The following KIF2A variants were observed in gnomAD, a reference collection of about 807,000 sequenced individuals.
The protein encoded by KIF2A is kinesin family member 2A.
A neutral mutation model predicts 100.2 loss-of-function variants in KIF2A; 22 were observed. That is an observed-to-expected ratio of 0.22 (90% CI 0.16 to 0.31). KIF2A has a LOEUF of 0.31. Ranked by LOEUF, KIF2A falls within the 10% of genes least tolerant of loss-of-function variation. The pLI is 1.00. For synonymous variants in KIF2A, 268 were observed against 285.9 expected, an observed-to-expected ratio of 0.94 and a Z score of 0.63; for missense variants, 495 against 898.7, an observed-to-expected ratio of 0.55 and a Z score of 5.74.
intron 1 of KIF2A, among the ~76,000 whole-genome samples, chr5:62,325,462 GA>G (rs34505547): frequency 6.7e-6 from 1 of 149,630 alleles, no homozygotes; most frequent in African/African-American, 2.5e-5. Context: ...TGCTCTGAAA[GA>G]AAAAAAAAAT....
chr5:62,310,406 AC>A (rs1745504920), intron 1 of KIF2A, among the ~76,000 whole-genome samples: 1 of 151,410 alleles, frequency 6.6e-6, no homozygotes, highest in South Asian at 2.1e-4. Context: ...CCCCATTCCC[AC>A]CCCCACTACT....
chr5:62,375,492 G>GTA (rs932412368), intron 18 of KIF2A, among the ~76,000 whole-genome samples: 4 of 152,212 alleles, frequency 2.6e-5, no homozygotes, highest in African/African-American at 9.6e-5. Context: ...CAAGTAGTAA[G>GTA]TACTGAAGCC....
intron 1 of KIF2A, among the ~76,000 whole-genome samples, chr5:62,307,697 A>C (rs1157513615): frequency 6.6e-6 from 1 of 150,448 alleles, no homozygotes; most frequent in African/African-American, 2.5e-5. Flanking sequence ...GGCCCACTGC[A>C]ACCTCCGCCT....
At chr5:62,371,051 G>C (rs1457352772) in intron 16 of KIF2A, among the ~76,000 whole-genome samples, 1 of 152,150 alleles carries the variant, frequency 6.6e-6, no homozygotes, top group African/African-American at 2.4e-5. Context: ...AGGATCACTT[G>C]AGTCCAGGAG....
chr5:62,383,646 T>C (rs1036702526), intron 20 of KIF2A, among the ~76,000 whole-genome samples: 2 of 152,172 alleles, frequency 1.3e-5, no homozygotes, highest in African/African-American at 2.4e-5. Context: ...GCAGTGACTG[T>C]TGAACTAAAA....
intron 1 of KIF2A, among the ~76,000 whole-genome samples, chr5:62,329,986 C>T (rs16890637): frequency 0.044 from 6,634 of 152,256 alleles, 456 homozygotes; most frequent in African/African-American, 0.15. Flanking sequence ...TTGCATTCTA[C>T]AGTGGCAATT....
chr5:62,308,259 T>C (rs1275228541), intron 1 of KIF2A: 1 of 1,063,266 alleles, frequency 9.4e-7, no homozygotes, highest in Non-Finnish European at 1.3e-6. Flanking sequence ...TTTTATATTT[T>C]CTCTTCAGAT....
In KIF2A at chr5:62,306,343, CACGCTGTCGCCCGGG is replaced by C; in HGVS notation, c.-129_-115del. 1 of 732,238 alleles carries C rather than the reference CACGCTGTCGCCCGGG, an allele frequency of 1.4e-6. No individual in the cohort carries two copies. The highest frequency in any genetic ancestry group is 2.3e-6 in the Non-Finnish European group (1 of 434,796). The allele number at this position is 732,238 out of a possible 1,614,324, so 45.4% of individuals were successfully genotyped here. A position where few individuals can be genotyped will look rare whatever the true frequency, so the allele number is the denominator to read the frequency against. ...TGCTCCTTGCGGCCCCGCTTGCGTTCACGCTGTCGCCCGGGCCGGCGCGGCCGCGGGCAACCGCTC... is the reference window on the plus strand; with the variant it reads ...TGCTCCTTGCGGCCCCGCTTGCGTTCCCGGCGCGGCCGCGGGCAACCGCTC... On this transcript the variant is annotated 5_prime_UTR_variant, in exon 1 of 21. Transcript: ENST00000407818.
chr5:62,377,624 C>T, intron 18 of KIF2A, 37 bp from the exon 19 acceptor site: 9 of 1,131,046 alleles, frequency 8.0e-6, no homozygotes, highest in Non-Finnish European at 1.1e-5. Flanking sequence ...TTAAAATACA[C>T]ACTATATCAT....
At chr5:62,355,117 TTATTA>T (rs754453040) in intron 6 of KIF2A, 37 bp from the exon 7 acceptor site, 2 of 875,740 alleles carry the variant, frequency 2.3e-6, no homozygotes, top group Non-Finnish European at 3.7e-6. Flanking sequence ...AACAAATACA[TTATTA>T]TATTTATAAT....
chr5:62,341,522 A>C (rs531441149), intron 1 of KIF2A, among the ~76,000 whole-genome samples: 1 of 151,846 alleles, frequency 6.6e-6, no homozygotes, highest in African/African-American at 2.4e-5. Context: ...ACCTAGTCTC[A>C]AACTCCTGGG....
rs775533413 is a variant in KIF2A, at chr5:62,389,485, C to CAAAAAAAAAAAAAAA, written c.*3918_*3932dup. ...TGGGTGACAGAGCAAGACTCTGTCT[C>CAAAAAAAAAAAAAAA]AAAAAAAAAAAAAAAAGAAATGTTA... On this transcript the variant is annotated 3_prime_UTR_variant, in exon 21 of 21. Coordinates refer to ENST00000407818, the MANE Select transcript of KIF2A (RefSeq NM_001098511.3). 0.12 allele frequency among the ~76,000 whole-genome samples: 8,519 copies of CAAAAAAAAAAAAAAA among 74,028 alleles called. 1,129 individuals are homozygous for CAAAAAAAAAAAAAAA. Among genetic ancestry groups the CAAAAAAAAAAAAAAA allele is most frequent in the Middle Eastern group, 0.19 (21 of 110 alleles). The allele number at this position is 74,028 out of a possible 152,430, so 48.6% of individuals were successfully genotyped here. A position where few individuals can be genotyped will look rare whatever the true frequency, so the allele number is the denominator to read the frequency against.
At chr5:62,324,718 A>G (rs1054316632) in intron 1 of KIF2A, among the ~76,000 whole-genome samples, 7 of 152,234 alleles carry the variant, frequency 4.6e-5, no homozygotes, top group Non-Finnish European at 5.9e-5. Context: ...CTCAAAATGG[A>G]TTAAAGACTT....
At chr5:62,372,593 T>C in intron 17 of KIF2A, 42 bp downstream of exon 17, 2 of 1,093,034 alleles carry the variant, frequency 1.8e-6, no homozygotes, top group Non-Finnish European at 2.7e-6. Flanking sequence ...TTGTATACTT[T>C]CTTTTGAATT....
At chr5:62,326,696 A>T (rs1251758943) in intron 1 of KIF2A, among the ~76,000 whole-genome samples, 1 of 151,980 alleles carries the variant, frequency 6.6e-6, no homozygotes, top group Non-Finnish European at 1.5e-5. Flanking sequence ...CCCATCCGAA[A>T]AAAAAAAAAT....
Position 62,325,782 on chromosome 5 carries a change from C to T in KIF2A, c.64+19246C>T, listed in dbSNP as rs115706002. 2.8e-3 allele frequency among the ~76,000 whole-genome samples: 431 copies of T among 152,264 alleles called. 2 individuals are homozygous for T. Among genetic ancestry groups the T allele is most frequent in the African/African-American group, 9.9e-3 (413 of 41,546 alleles). On this transcript the variant is annotated intron_variant, in intron 1 of 20. Coordinates refer to ENST00000407818, the MANE Select transcript of KIF2A (RefSeq NM_001098511.3). ...CTATTCAACCCAACAATCCCACTAC[C>T]GGGTATGTACACAATGGAAAATAAA...
chr5:62,361,836 A>G (rs1162843499), intron 11 of KIF2A, among the ~76,000 whole-genome samples: 1 of 151,918 alleles, frequency 6.6e-6, no homozygotes, highest in African/African-American at 2.4e-5. Context: ...AGCCTGGCCA[A>G]CATGGTGAAA....
chr5:62,320,949 C>T (rs1400783229), intron 1 of KIF2A, among the ~76,000 whole-genome samples: 6 of 152,080 alleles, frequency 3.9e-5, no homozygotes, highest in East Asian at 1.9e-4. Flanking sequence ...CCTCTCATTC[C>T]GGCCTTTAGT....
intron 6 of KIF2A, among the ~76,000 whole-genome samples, chr5:62,354,469 G>T (rs1271793155): frequency 6.6e-6 from 1 of 152,110 alleles, no homozygotes; most frequent in Non-Finnish European, 1.5e-5. Context: ...ATAATTTATT[G>T]TTCAAGGCTA....
Sources: allele counts gnomAD v4.1 joint callset (sites outside exome capture counted in the v4.1 genomes callset), GRCh38; gene constraint gnomAD v4.1.1; transcripts MANE v1.5; gene names NCBI Gene and HGNC (gene_info 2026-07-23, HGNC 2026-07-21).